The following CSMD1 variants were observed in gnomAD, a reference collection of about 807,000 sequenced individuals.
CSMD1 encodes CUB and sushi domain-containing protein 1.
Under a neutral mutation model 417.5 loss-of-function variants are expected in CSMD1, and 213 were observed. That is an observed-to-expected ratio of 0.51 (90% confidence interval 0.46 to 0.57). CSMD1 has a LOEUF of 0.57. Among genes scored for constraint, CSMD1 ranks in the 20% least tolerant of loss-of-function variants. The pLI is 0.00. For synonymous variants in CSMD1, 2,862 were observed against 1,736.8 expected (o/e 1.65, Z -16.11); for missense variants, 6,923 against 4,529.7 (o/e 1.53, Z -15.17).
chr8:3,918,574 T>A (rs1808995900), intron 5 of CSMD1, among the ~76,000 whole-genome samples: 1 of 152,178 alleles, frequency 6.6e-6, no homozygotes, highest in African/African-American at 2.4e-5. Flanking sequence ...TCTTATATAT[T>A]TTGGACATTA....
At chr8:4,406,512 G>C (rs1465025800) in intron 3 of CSMD1, among the ~76,000 whole-genome samples, 1 of 152,132 alleles carries the variant, frequency 6.6e-6, no homozygotes, top group Non-Finnish European at 1.5e-5. Context: ...TTGACTAGTT[G>C]ATATTACTTT....
Position 3,623,949 on chromosome 8 carries a change from C to G in CSMD1, c.1010-7152G>C, listed in dbSNP as rs1811577. Among the ~76,000 whole-genome samples the G allele has an allele frequency of 7.8e-3, 1,193 of 152,012 alleles. 14 individuals are homozygous for G. The highest frequency in any genetic ancestry group is 0.028 in the African/African-American group (1,149 of 41,454). ...CTGAGATTGCACCACTGCACTCCAG[C>G]CTGGGTGACAGAACAAAACTCCACA... On this transcript the variant is annotated intron_variant, in intron 7 of 69. Transcript: ENST00000635120.
At chr8:3,603,413 C>A (rs540043147) in intron 8 of CSMD1, among the ~76,000 whole-genome samples, 3 of 152,082 alleles carry the variant, frequency 2.0e-5, no homozygotes, top group East Asian at 1.9e-4. Flanking sequence ...GAAAGGCTTG[C>A]GAGCTAAAGC....
At chr8:4,475,141 G>A (rs1195938151) in intron 2 of CSMD1, among the ~76,000 whole-genome samples, 1 of 152,142 alleles carries the variant, frequency 6.6e-6, no homozygotes, top group African/African-American at 2.4e-5. Flanking sequence ...GTTTAGGCTA[G>A]TATTAAGCAA....
chr8:3,651,319 A>G (rs565755808), intron 7 of CSMD1, among the ~76,000 whole-genome samples: 1 of 152,214 alleles, frequency 6.6e-6, no homozygotes, highest in South Asian at 2.1e-4. Context: ...GATTCATAAA[A>G]CCAGACAAGA....
chr8:3,736,327 C>T (rs969346594), intron 6 of CSMD1, among the ~76,000 whole-genome samples: 6 of 151,956 alleles, frequency 3.9e-5, no homozygotes, highest in Admixed American at 3.9e-4. Context: ...CTGCAGCCTC[C>T]ACCTCCTGGG....
intron 41 of CSMD1, among the ~76,000 whole-genome samples, chr8:3,133,965 G>A (rs1374911676): frequency 2.0e-5 from 3 of 152,168 alleles, no homozygotes; most frequent in Admixed American, 2.0e-4. Flanking sequence ...GGATCATGAG[G>A]TCAGGAGATG....
rs535680933 is a variant in CSMD1, at chr8:4,974,375, T to C, written c.85+19957A>G. On this transcript the variant is annotated intron_variant, in intron 1 of 69. Transcript: ENST00000635120. ...TGTCGGTTAGCACTTAGCTGCAATA[T>C]TAAAAGTTTCCCTTGATTATCTCCA... 6.6e-5 allele frequency among the ~76,000 whole-genome samples: 10 copies of C among 152,242 alleles called. No individual in the cohort carries two copies. The South Asian group carries it at 2.1e-3, about 32-fold the overall frequency.
intron 1 of CSMD1, among the ~76,000 whole-genome samples, chr8:4,931,847 A>G (rs1807270660): frequency 6.6e-6 from 1 of 152,184 alleles, no homozygotes; most frequent in Non-Finnish European, 1.5e-5. Context: ...GTATATTTTT[A>G]GGGGATTTTC....
intron 1 of CSMD1, among the ~76,000 whole-genome samples, chr8:4,965,151 G>C (rs966114919): frequency 3.3e-5 from 5 of 152,146 alleles, no homozygotes. Context: ...AATATTTGTA[G>C]ATAGCATACA....
At chr8:4,236,035 G>GTTTTTTTTTTT (rs869046913) in intron 3 of CSMD1, among the ~76,000 whole-genome samples, 8 of 112,604 alleles carry the variant, frequency 7.1e-5, no homozygotes, top group African/African-American at 3.1e-4. Context: ...TGTTTTTTTT[G>GTTTTTTTTTTT]TTTGTTTTTT....
At chr8:4,786,019 G>C (rs1229201651) in intron 1 of CSMD1, among the ~76,000 whole-genome samples, 1 of 152,156 alleles carries the variant, frequency 6.6e-6, no homozygotes, top group East Asian at 1.9e-4. Context: ...AGTGGCTGGA[G>C]CTTCCTAAGA....
At chr8:4,923,259 C>A (rs1806621281) in intron 1 of CSMD1, among the ~76,000 whole-genome samples, 1 of 152,154 alleles carries the variant, frequency 6.6e-6, no homozygotes, top group African/African-American at 2.4e-5. Context: ...TTCTTCTACC[C>A]TTCACACTTG....
chr8:2,983,483 G>C (rs1435025006), intron 54 of CSMD1, among the ~76,000 whole-genome samples: 3 of 152,138 alleles, frequency 2.0e-5, no homozygotes, highest in South Asian at 2.1e-4. Context: ...ACCTCGCCCA[G>C]TCTTTCTGTT....
intron 4 of CSMD1, among the ~76,000 whole-genome samples, chr8:4,024,441 T>C (rs1462204309): frequency 1.3e-5 from 2 of 152,208 alleles, no homozygotes; most frequent in African/African-American, 2.4e-5. Flanking sequence ...ACCATGTTCA[T>C]ATGTTACTGA....
intron 6 of CSMD1, among the ~76,000 whole-genome samples, chr8:3,750,283 G>A (rs920708898): frequency 1.3e-5 from 2 of 150,962 alleles, no homozygotes; most frequent in Non-Finnish European, 2.9e-5. Context: ...GCATAAAAAT[G>A]TATGTTCTTT....
chr8:4,687,246 G>T (rs1055991807), intron 1 of CSMD1, among the ~76,000 whole-genome samples: 4 of 152,154 alleles, frequency 2.6e-5, no homozygotes, highest in Admixed American at 6.5e-5. Flanking sequence ...GGTAGCCACA[G>T]GATGCTGGCA....
intron 9 of CSMD1, among the ~76,000 whole-genome samples, chr8:3,584,009 C>T (rs1014110008): frequency 3.3e-5 from 5 of 151,932 alleles, no homozygotes; most frequent in African/African-American, 9.7e-5. Flanking sequence ...ACTAGTAAAA[C>T]CCATCCACTA....
At chr8:3,250,613 A>T (rs113021513) in intron 26 of CSMD1, among the ~76,000 whole-genome samples, 13,753 of 152,238 alleles carry the variant, frequency 0.09, 847 homozygotes, top group Non-Finnish European at 0.13. Context: ...TTCTAGTTCT[A>T]GGTCCCTGAG....
Sources: allele counts gnomAD v4.1 joint callset (sites outside exome capture counted in the v4.1 genomes callset), GRCh38; gene constraint gnomAD v4.1.1; transcripts MANE v1.5; gene names NCBI Gene and HGNC (gene_info 2026-07-23, HGNC 2026-07-21).